Variants in COL15A1 observed in about 807,000 individuals in gnomAD.
COL15A1 encodes the protein collagen alpha-1(XV) chain.
COL15A1 carries 111 observed loss-of-function variants against 165.9 expected under a neutral mutation model. The observed-to-expected ratio is 0.67, with a 90% CI of 0.57 to 0.78. The LOEUF is 0.78. Ranked by LOEUF, COL15A1 falls within the 30% of genes least tolerant of loss-of-function variation. The probability of loss-of-function intolerance (pLI) is 0.00; values close to 1 mark genes in which losing one functional copy is unlikely to be tolerated. For missense variants in COL15A1, 1,745 were observed against 1,789.7 expected (o/e 0.98, Z 0.45); for synonymous variants, 659 against 674.8 (o/e 0.98, Z 0.36).
At chr9:98,977,268 C>T (rs558309352) in intron 2 of COL15A1, among the ~76,000 whole-genome samples, 15 of 152,342 alleles carry the variant, frequency 9.8e-5, no homozygotes, top group Non-Finnish European at 1.0e-4. Context: ...TCCCCAGTCC[C>T]CTCCAAAATG....
At chr9:99,063,265 T>C (rs983082281) in intron 39 of COL15A1, among the ~76,000 whole-genome samples, 156 bp downstream of exon 39, 6 of 152,078 alleles carry the variant, frequency 3.9e-5, no homozygotes, top group Admixed American at 1.3e-4. Flanking sequence ...GTGTGGTAAG[T>C]TGTTTGGGTG....
At position 99,034,601 on chromosome 9, in the gene COL15A1, A is replaced by AG. The variant is rs1839264557; in HGVS notation, c.2079+17_2079+18insG. The AG allele has an allele frequency of 2.0e-6, 3 of 1,479,694 alleles. No homozygotes were observed. The highest frequency in any genetic ancestry group is 2.7e-6 in the Non-Finnish European group (3 of 1,119,582). The allele number at this position is 1,479,694 out of a possible 1,614,324, so 91.7% of individuals were successfully genotyped here. A position where few individuals can be genotyped will look rare whatever the true frequency, so the allele number is the denominator to read the frequency against. On this transcript the variant is annotated intron_variant, in intron 17 of 41. Transcript: ENST00000375001. ...GGTGAAAAGGTAAAAAAAAAAAAAAAAAAAAAAAAAAAAGAACTTTCTTCT... is the reference window on the plus strand; with the variant it reads ...GGTGAAAAGGTAAAAAAAAAAAAAAAGAAAAAAAAAAAAAGAACTTTCTTCT...
In COL15A1 at chr9:98,987,296, C is replaced by A. The variant is rs771413172; in HGVS notation, c.651C>A (p.Gly217=). ...AGATGLERFT[G]SLQQLTVHPD... is the part of the protein sequence containing the mutation. ...TCTGATCCGTCTCTTTTCCCCAGGG[C>A]TCCCTCCAGCAGCTCACCGTGCACC... Residue 217 remains glycine, a splice_region_variant and synonymous_variant, in exon 4 of 42, where the codon GGC becomes GGA. Coordinates refer to ENST00000375001, the MANE Select transcript of COL15A1 (RefSeq NM_001855.5). 1 of 1,613,214 alleles carries A rather than the reference C, an allele frequency of 6.2e-7. No individual in the cohort carries two copies. The highest frequency in any genetic ancestry group is 8.5e-7 in the Non-Finnish European group (1 of 1,179,600).
In COL15A1 at chr9:99,047,723, T is replaced by A. The variant is rs1464355035; in HGVS notation, c.2680-63T>A. ...ACTGCCTGCAAAAGCGGGCTTGCAC[T>A]CCTCATTTCCCTGAACCAAGACTTT... is the stretch of plus-strand genomic sequence containing the variant. On this transcript the variant is annotated intron_variant, in intron 26 of 41. Transcript: ENST00000375001. 54 of 1,569,968 alleles carry A rather than the reference T, an allele frequency of 3.4e-5. 1 individual carries two copies. The highest frequency in any genetic ancestry group is 4.6e-5 in the Non-Finnish European group (52 of 1,140,206).
chr9:99,006,969 CAT>C (rs1475447416), intron 9 of COL15A1, among the ~76,000 whole-genome samples: 1 of 152,184 alleles, frequency 6.6e-6, no homozygotes, highest in Non-Finnish European at 1.5e-5. Flanking sequence ...GTCCTGACAA[CAT>C]GTGCCCAAGG....
At chr9:99,011,632 C>T (rs1438753068) in intron 9 of COL15A1, among the ~76,000 whole-genome samples, 2 of 151,912 alleles carry the variant, frequency 1.3e-5, no homozygotes, top group East Asian at 1.9e-4. Flanking sequence ...TTAAAAAACA[C>T]ACTTTTTTTT....
intron 2 of COL15A1, among the ~76,000 whole-genome samples, chr9:98,979,305 G>A (rs966221685): frequency 2.6e-5 from 4 of 152,134 alleles, no homozygotes; most frequent in Non-Finnish European, 4.4e-5. Flanking sequence ...CTCCCACCAC[G>A]TTATAACAAT....
chr9:98,983,880 T>G (rs1296410321), intron 2 of COL15A1, among the ~76,000 whole-genome samples: 1 of 152,184 alleles, frequency 6.6e-6, no homozygotes, highest in African/African-American at 2.4e-5. Context: ...GCTACGTAGT[T>G]GTGTCCAATA....
chr9:99,051,498 C>T (rs1021535132), intron 30 of COL15A1, among the ~76,000 whole-genome samples: 4 of 152,218 alleles, frequency 2.6e-5, no homozygotes, highest in African/African-American at 7.2e-5. Context: ...TGAGCCCCTT[C>T]TAGTTTCAGC....
At chr9:99,040,618 C>T in intron 23 of COL15A1, 62 bp downstream of exon 23, 3 of 1,613,656 alleles carry the variant, frequency 1.9e-6, no homozygotes, top group South Asian at 1.1e-5. Context: ...CTGTTCCTTC[C>T]ACCTAGAATG....
At chr9:98,965,204 G>C (rs1019186211) in intron 2 of COL15A1, among the ~76,000 whole-genome samples, 4 of 152,154 alleles carry the variant, frequency 2.6e-5, no homozygotes, top group East Asian at 1.9e-4. Context: ...CTCCTAAAAT[G>C]GTCAGCTAGA....
chr9:99,003,372 C>A, intron 7 of COL15A1, 81 bp from the exon 8 acceptor site: 1 of 1,159,528 alleles, frequency 8.6e-7, no homozygotes, highest in Non-Finnish European at 1.2e-6. Context: ...CTGGAGAAGG[C>A]TAGGCAGTCT....
intron 24 of COL15A1, among the ~76,000 whole-genome samples, chr9:99,043,655 T>A (rs529659513): frequency 6.6e-6 from 1 of 152,218 alleles, no homozygotes; most frequent in South Asian, 2.1e-4. Flanking sequence ...CTTAGGGGGA[T>A]GGAAGAAAGA....
intron 2 of COL15A1, among the ~76,000 whole-genome samples, chr9:98,944,616 T>G (rs1837547149): frequency 6.6e-6 from 1 of 152,278 alleles, no homozygotes. Context: ...GGCTGGCTTC[T>G]GGTAAGGGCA....
Position 99,035,097 on chromosome 9 carries a change from G to T in COL15A1, c.2163G>T (p.Gly721=). ...AGPPGVMGPP[G]PPGPPGPPGP... is the part of the protein sequence containing the mutation. Reference sequence around the variant, plus strand: ...CTCCTGGGGTCATGGGACCCCCAGGGCCTCCTGGACCCCCTGGGCCCCCAG... The same window carrying T: ...CTCCTGGGGTCATGGGACCCCCAGGTCCTCCTGGACCCCCTGGGCCCCCAG... Residue 721 remains glycine (G), a synonymous_variant, in exon 18 of 42, where the codon GGG becomes GGT. Transcript: ENST00000375001. 6.2e-7 allele frequency: 1 copy of T among 1,607,902 alleles called. No individual in the cohort carries two copies. Among genetic ancestry groups the T allele is most frequent in the Non-Finnish European group, 8.5e-7 (1 of 1,174,796 alleles).
rs1176910681 is a variant in COL15A1, at chr9:99,003,525, G to C, written c.1138G>C (p.Val380Leu). Residue 380 changes from valine to leucine, a missense_variant, in exon 8 of 42, where the codon GTG (valine) becomes CTG (leucine). Coordinates refer to ENST00000375001, the MANE Select transcript of COL15A1 (RefSeq NM_001855.5). ...TGCTGGAGAAGCAGAGGCCAGCAGT[G>C]TGCCCACCGGGGGACCAACCCTCTC... ...STAGEAEASS[V>L]PTGGPTLSMS... The C allele has an allele frequency of 3.2e-6, 5 of 1,570,860 alleles. No individual in the cohort carries two copies. In the African/African-American group the frequency reaches 6.8e-5, roughly 22 times the overall value.
chr9:99,021,337 C>T (rs1336401312), intron 12 of COL15A1, among the ~76,000 whole-genome samples: 3 of 139,420 alleles, frequency 2.2e-5, no homozygotes, highest in African/African-American at 5.7e-5. Context: ...CCTCTGGCTA[C>T]CTCAGTGGAC....
At chr9:99,037,613 C>G (rs1274926625) in intron 21 of COL15A1, among the ~76,000 whole-genome samples, 1 of 152,120 alleles carries the variant, frequency 6.6e-6, no homozygotes, top group Non-Finnish European at 1.5e-5. Context: ...GACAGAGTTC[C>G]TGTCTTCAAG....
chr9:98,992,252 G>A (rs1302875988), intron 5 of COL15A1, among the ~76,000 whole-genome samples: 1 of 152,254 alleles, frequency 6.6e-6, no homozygotes, highest in African/African-American at 2.4e-5. Flanking sequence ...CCTGCCCTGC[G>A]GGAAGGCGGC....
Sources: allele counts gnomAD v4.1 joint callset (sites outside exome capture counted in the v4.1 genomes callset), GRCh38; gene constraint gnomAD v4.1.1; transcripts MANE v1.5; gene names NCBI Gene and HGNC (gene_info 2026-07-23, HGNC 2026-07-21).